ME3: variants seen among roughly 807,000 people sequenced by gnomAD.
ME3 encodes the protein NADP-dependent malic enzyme, mitochondrial.
ME3 carries 48 observed loss-of-function variants against 68.9 expected under a neutral mutation model. The observed-to-expected ratio is 0.70, with a 90% CI of 0.55 to 0.89. The LOEUF (loss-of-function observed/expected upper bound fraction) is 0.89, where lower values mean the gene tolerates loss of function less well. Ranked by LOEUF, ME3 falls within the 40% of genes least tolerant of loss-of-function variation. ME3 has a pLI of 0.00. For synonymous variants in ME3, 320 were observed against 318.8 expected (o/e 1.00, Z -0.04); for missense variants, 675 against 797.4 (o/e 0.85, Z 1.85).
intron 4 of ME3, among the ~76,000 whole-genome samples, chr11:86,524,537 C>T (rs931751303): frequency 3.3e-5 from 5 of 152,158 alleles, no homozygotes; most frequent in African/African-American, 7.2e-5. Flanking sequence ...TGTAAAAGCT[C>T]GAATCCATTT....
At chr11:86,481,192 C>A (rs1214701236) in intron 7 of ME3, among the ~76,000 whole-genome samples, 1 of 147,494 alleles carries the variant, frequency 6.8e-6, no homozygotes, top group Non-Finnish European at 1.5e-5. Context: ...AAAGCGAGTG[C>A]CACCACACCC....
intron 4 of ME3, among the ~76,000 whole-genome samples, chr11:86,544,085 T>C (rs1167297633): frequency 6.6e-6 from 1 of 151,820 alleles, no homozygotes; most frequent in Non-Finnish European, 1.5e-5. Flanking sequence ...AAGGCAGAAA[T>C]AAATAAGTTC....
chr11:86,465,143 G>A, exon 8 of ME3: 1 of 1,613,948 alleles, frequency 6.2e-7, no homozygotes, highest in South Asian at 1.1e-5. Context: ...TGTTGAGCAG[G>A]CGGAAGGCAT....
chr11:86,452,869 C>T (rs567858154), intron 8 of ME3, among the ~76,000 whole-genome samples: 1 of 152,276 alleles, frequency 6.6e-6, no homozygotes, highest in Non-Finnish European at 1.5e-5. Context: ...GACTGTCTTC[C>T]AGAGATGACT....
At chr11:86,567,225 G>GAAAGAAAGA (rs1554983015) in intron 2 of ME3, among the ~76,000 whole-genome samples, 2 of 123,022 alleles carry the variant, frequency 1.6e-5, no homozygotes, top group African/African-American at 6.5e-5. Context: ...CAGAAAGAAA[G>GAAAGAAAGA]AAAGAAAGAA....
chr11:86,450,249 C>T (rs2138625374), intron 9 of ME3, 52 bp downstream of exon 9: 3 of 1,542,044 alleles, frequency 1.9e-6, no homozygotes, highest in Non-Finnish European at 2.7e-6. Context: ...ATGCTTCCAC[C>T]CATTCTTATT....
intron 7 of ME3, among the ~76,000 whole-genome samples, chr11:86,466,125 G>A (rs1341506120): frequency 6.6e-6 from 1 of 152,164 alleles, no homozygotes; most frequent in East Asian, 1.9e-4. Flanking sequence ...AACATTGCCT[G>A]TAAGGAAGCT....
intron 6 of ME3, among the ~76,000 whole-genome samples, chr11:86,497,546 G>A (rs917188242): frequency 6.6e-6 from 1 of 152,092 alleles, no homozygotes; most frequent in Non-Finnish European, 1.5e-5. Flanking sequence ...CAGACATTTT[G>A]GCCCCTGGTG....
chr11:86,439,601 A>G (rs1192984074), downstream of ME3, among the ~76,000 whole-genome samples: 1 of 152,244 alleles, frequency 6.6e-6, no homozygotes, highest in Non-Finnish European at 1.5e-5. Context: ...GGATAGTATC[A>G]GCACAGGCTT....
At chr11:86,583,609 T>C (rs1958567885) in intron 2 of ME3, among the ~76,000 whole-genome samples, 1 of 152,154 alleles carries the variant, frequency 6.6e-6, no homozygotes, top group Non-Finnish European at 1.5e-5. Flanking sequence ...GTGGATGCTG[T>C]TAAAGGACAT....
At chr11:86,593,677 C>G (rs1489619593) in intron 2 of ME3, among the ~76,000 whole-genome samples, 3 of 146,598 alleles carry the variant, frequency 2.0e-5, no homozygotes, top group African/African-American at 7.5e-5. Context: ...TCATTTTGTT[C>G]TATTTTCTTC....
At chr11:86,606,404 C>T (rs1465740973) in intron 2 of ME3, among the ~76,000 whole-genome samples, 1 of 152,082 alleles carries the variant, frequency 6.6e-6, no homozygotes, top group African/African-American at 2.4e-5. Flanking sequence ...GAGATGGGTG[C>T]GTCTCTGGCC....
At chr11:86,654,739 C>T (rs1453731864) in intron 2 of ME3, among the ~76,000 whole-genome samples, 2 of 152,226 alleles carry the variant, frequency 1.3e-5, no homozygotes, top group African/African-American at 2.4e-5. Context: ...GTTGGAAGTT[C>T]TGGCCAGGGC....
At chr11:86,439,021 A>G (rs1004846141), downstream of ME3, among the ~76,000 whole-genome samples, 1 of 152,192 alleles carries the variant, frequency 6.6e-6, no homozygotes, top group Non-Finnish European at 1.5e-5. Flanking sequence ...GAAAGGCATC[A>G]GGTAGGAGTA....
intron 4 of ME3, among the ~76,000 whole-genome samples, chr11:86,526,510 G>T (rs1250374055): frequency 6.6e-6 from 1 of 152,204 alleles, no homozygotes; most frequent in Admixed American, 6.5e-5. Flanking sequence ...TGACAGCGTT[G>T]AAGATAGTAG....
intron 4 of ME3, among the ~76,000 whole-genome samples, chr11:86,526,846 C>G (rs963759577): frequency 3.3e-5 from 5 of 152,184 alleles, no homozygotes; most frequent in African/African-American, 1.2e-4. Flanking sequence ...AAAGGACATC[C>G]ACACCAAACC....
downstream of ME3, among the ~76,000 whole-genome samples, chr11:86,439,616 G>A (rs4944578): frequency 0.34 from 51,504 of 151,824 alleles, 9,153 homozygotes; most frequent in Admixed American, 0.41. Flanking sequence ...AGGCTTGAAA[G>A]CACATGTGCT....
At chr11:86,460,824 G>C (rs1279257967) in intron 8 of ME3, among the ~76,000 whole-genome samples, 1 of 152,218 alleles carries the variant, frequency 6.6e-6, no homozygotes, top group Non-Finnish European at 1.5e-5. Flanking sequence ...GATAAAGGGG[G>C]ACCATTGCAG....
At chr11:86,497,926 T>G in intron 6 of ME3, 37 bp downstream of exon 6, 1 of 1,542,922 alleles carries the variant, frequency 6.5e-7, no homozygotes. Context: ...GTTGCCACCT[T>G]TTGGCCCCAG....
Sources: allele counts gnomAD v4.1 joint callset (sites outside exome capture counted in the v4.1 genomes callset), GRCh38; gene constraint gnomAD v4.1.1; transcripts MANE v1.5; gene names NCBI Gene and HGNC (gene_info 2026-07-23, HGNC 2026-07-21).